Variants in SNRPB2 observed in about 807,000 individuals in gnomAD.
The protein encoded by SNRPB2 is small nuclear ribonucleoprotein polypeptide B2.
A neutral mutation model predicts 26.3 loss-of-function variants in SNRPB2; 16 were observed. The ratio of observed to expected loss-of-function variants is 0.61; its 90% CI spans 0.41 to 0.92. The LOEUF (loss-of-function observed/expected upper bound fraction) is 0.92. Ranked by LOEUF, SNRPB2 falls within the 40% of genes least tolerant of loss-of-function variation. The probability of loss-of-function intolerance (pLI) is 0.00; values close to 1 mark genes in which losing one functional copy is unlikely to be tolerated. For missense variants in SNRPB2, 179 were observed against 268.1 expected (o/e 0.67, Z 2.32); for synonymous variants, 75 against 89.0 (o/e 0.84, Z 0.88).
At position 16,731,600 on chromosome 20, in the gene SNRPB2, TTAA is replaced by T. The variant is rs984483601; in HGVS notation, c.-35-63_-35-61del. 2.1e-5 allele frequency: 31 copies of T among 1,467,058 alleles called. No individual in the cohort carries two copies. The African/African-American group carries it at 4.4e-4, about 21-fold the overall frequency. 90.9% of individuals were successfully genotyped at this position (1,467,058 alleles called of 1,614,324 possible). On this transcript the variant is annotated intron_variant, in intron 1 of 6. Coordinates refer to ENST00000246071, the MANE Select transcript of SNRPB2 (RefSeq NM_003092.5). Reference sequence around the variant, plus strand: ...CTGGGATTGAAAGAGAAATGAAAAGTTAATAATTCTTGTGTTGTGTCCTTATGC... The same window carrying T: ...CTGGGATTGAAAGAGAAATGAAAAGTTAATTCTTGTGTTGTGTCCTTATGC...
chr20:16,741,227 G>A lies in SNRPB2; in HGVS notation c.*222G>A, dbSNP rs879883046. On this transcript the variant is annotated 3_prime_UTR_variant, in exon 7 of 7. Transcript: ENST00000246071. The stretch of plus-strand genomic sequence containing the variant: ...TTTATTTGTATTCTGTGTATATAAT[G>A]CTTTCTTGATTGACCCATCTCCCTA... 11 of 390,842 alleles carry A rather than the reference G, an allele frequency of 2.8e-5. No individual in the cohort carries two copies. The Admixed American group carries it at 4.5e-4, about 16-fold the overall frequency. 24.2% of individuals were successfully genotyped at this position (390,842 alleles called of 1,614,324 possible).
At chr20:16,736,804 G>GTTTGTT (rs2072429022) in intron 3 of SNRPB2, among the ~76,000 whole-genome samples, 1 of 152,136 alleles carries the variant, frequency 6.6e-6, no homozygotes, top group Non-Finnish European at 1.5e-5. Flanking sequence ...TTTTGCTTTT[G>GTTTGTT]TTTGTTTTAT....
intron 3 of SNRPB2, among the ~76,000 whole-genome samples, chr20:16,735,371 C>T (rs1414358872): frequency 6.7e-6 from 1 of 149,996 alleles, no homozygotes; most frequent in East Asian, 1.9e-4. Flanking sequence ...GGCAATAATT[C>T]TTTCAGCTCC....
intron 5 of SNRPB2, among the ~76,000 whole-genome samples, chr20:16,739,616 C>G (rs1568755416): frequency 6.6e-6 from 1 of 152,152 alleles, no homozygotes; most frequent in Non-Finnish European, 1.5e-5. Flanking sequence ...AATGCCAGCA[C>G]TTAATCCTCT....
chr20:16,730,889 C>T (rs1036386981), intron 1 of SNRPB2: 1 of 152,278 alleles, frequency 6.6e-6, no homozygotes, highest in African/African-American at 2.4e-5. Flanking sequence ...TGACCTTAGG[C>T]AAGTTCCTTA....
intron 5 of SNRPB2, 104 bp downstream of exon 5, chr20:16,739,006 T>A (rs1406228606): frequency 1.3e-6 from 1 of 756,812 alleles, no homozygotes; most frequent in Non-Finnish European, 2.3e-6. Context: ...TGATTTCATC[T>A]ACAAGACACA....
At chr20:16,736,776 C>G (rs1481040767) in intron 3 of SNRPB2, among the ~76,000 whole-genome samples, 1 of 152,128 alleles carries the variant, frequency 6.6e-6, no homozygotes, top group African/African-American at 2.4e-5. Context: ...AGCCACAGTT[C>G]TATGTCAAGC....
intron 3 of SNRPB2, among the ~76,000 whole-genome samples, chr20:16,734,301 T>G (rs957145729): frequency 6.6e-6 from 1 of 152,168 alleles, no homozygotes; most frequent in African/African-American, 2.4e-5. Context: ...AGAGGGGAAA[T>G]AGAGTTCTTT....
chr20:16,738,114 T>C (rs558156753), intron 4 of SNRPB2, among the ~76,000 whole-genome samples: 1 of 147,344 alleles, frequency 6.8e-6, no homozygotes, highest in African/African-American at 2.5e-5. Context: ...AATTCAGTAA[T>C]GCAAAATATA....
Position 16,731,780 on chromosome 20 carries a change from A to C in SNRPB2, c.64+14A>C. 1 of 1,612,194 alleles carries C rather than the reference A, an allele frequency of 6.2e-7. No homozygotes were observed. The highest frequency in any genetic ancestry group is 8.5e-7 in the Non-Finnish European group (1 of 1,178,828). ...TTAAAAAGGAAGGTAAGTGCTTTTT[A>C]GAATACTTGTTCACTACTAAAATGT... On this transcript the variant is annotated intron_variant, in intron 2 of 6. Coordinates refer to ENST00000246071, the MANE Select transcript of SNRPB2 (RefSeq NM_003092.5).
At chr20:16,739,031 C>T (rs1477594163) in intron 5 of SNRPB2, 129 bp downstream of exon 5, 1 of 652,478 alleles carries the variant, frequency 1.5e-6, no homozygotes, top group African/African-American at 1.8e-5. Context: ...GTTAAATTGT[C>T]TGCCACTGCA....
chr20:16,732,732 G>A (rs1205536563), intron 3 of SNRPB2, among the ~76,000 whole-genome samples: 1 of 152,310 alleles, frequency 6.6e-6, no homozygotes, highest in East Asian at 1.9e-4. Flanking sequence ...AATACTATGT[G>A]TCAGAAGCTG....
rs2072379099 is a variant in SNRPB2 at position 16,730,125 on chromosome 20, C to G, written c.-75C>G. Reference sequence around the variant, plus strand: ...TTTCCTGGCTCCTCGGCCCTTTTCTCCCCTGTTGCAGCTGGGAGCGGACGA... The same window carrying G: ...TTTCCTGGCTCCTCGGCCCTTTTCTGCCCTGTTGCAGCTGGGAGCGGACGA... On this transcript the variant is annotated 5_prime_UTR_variant, in exon 1 of 7. Transcript: ENST00000246071. 6.5e-6 allele frequency: 1 copy of G among 152,764 alleles called. No individual in the cohort carries two copies. 9.5% of individuals were successfully genotyped at this position (152,764 alleles called of 1,614,324 possible). A position where few individuals can be genotyped will look rare whatever the true frequency, so the allele number is the denominator to read the frequency against.
intron 5 of SNRPB2, 51 bp from the exon 6 acceptor site, chr20:16,740,274 A>G: frequency 4.4e-6 from 7 of 1,600,044 alleles, no homozygotes; most frequent in Non-Finnish European, 6.0e-6. Flanking sequence ...TGCCTAGCTT[A>G]CGATGCTGTT....
At position 16,741,840 on chromosome 20, in the gene SNRPB2, T is replaced by C. The variant is rs1215345185; in HGVS notation, c.*835T>C. The stretch of plus-strand genomic sequence containing the variant: ...AAATATTTCCAAAGCCCATTTTCTT[T>C]AGCTTTTGATTTATGTTTAAGGCTA... On this transcript the variant is annotated 3_prime_UTR_variant, in exon 7 of 7. Coordinates refer to ENST00000246071, the MANE Select transcript of SNRPB2 (RefSeq NM_003092.5). The C allele has an allele frequency of 1.3e-5, 2 of 152,246 alleles. No homozygotes were observed. Among genetic ancestry groups the C allele is most frequent in the Non-Finnish European group, 2.9e-5 (2 of 68,040 alleles). 9.4% of individuals were successfully genotyped at this position (152,246 alleles called of 1,614,324 possible).
Position 16,733,604 on chromosome 20 carries a change from T to C in SNRPB2, c.237+1268T>C, listed in dbSNP as rs2072407132. 3.9e-5 allele frequency among the ~76,000 whole-genome samples: 6 copies of C among 152,364 alleles called. No homozygotes were observed. The South Asian group carries it at 1.2e-3, about 32-fold the overall frequency. On this transcript the variant is annotated intron_variant, in intron 3 of 6. Transcript: ENST00000246071. ...TCCGTAAAGGACCAGATAGTAAATA[T>C]GTTACACTTTGCAAGCCAGATAATC...
rs879698128 is a variant in SNRPB2 at position 16,742,360 on chromosome 20, C to G, written c.*1355C>G. The stretch of plus-strand genomic sequence containing the variant: ...GACTGATCCCATGCCCAGTCCTGGC[C>G]ATGCTTTGAGTGGCTGTATTGGAGC... On this transcript the variant is annotated 3_prime_UTR_variant, in exon 7 of 7. Coordinates refer to ENST00000246071, the MANE Select transcript of SNRPB2 (RefSeq NM_003092.5). 7 of 152,114 alleles carry G rather than the reference C, an allele frequency of 4.6e-5. No individual in the cohort carries two copies. Among genetic ancestry groups the G allele is most frequent in the Admixed American group, 4.6e-4 (7 of 15,268 alleles). 9.4% of individuals were successfully genotyped at this position (152,114 alleles called of 1,614,324 possible).
Position 16,732,235 on chromosome 20 carries a change from A to G in SNRPB2, c.136A>G (p.Met46Val), listed in dbSNP as rs907418701. The change falls in exon 3 of 7, where the codon ATG (methionine) becomes GTG (valine). Residue 46 changes from methionine to valine, a missense_variant. Transcript: ENST00000246071. ...GGTGGACATTGTGGCTTTAAAGACC[A>G]TGAAGATGAGGGGGCAGGCCTTTGT... is the stretch of plus-strand genomic sequence containing the variant. ...HVVDIVALKT[M>V]KMRGQAFVIF... is the part of the protein sequence containing the mutation. 3.1e-6 allele frequency: 5 copies of G among 1,603,016 alleles called. No individual in the cohort carries two copies. The highest frequency in any genetic ancestry group is 1.3e-5 in the African/African-American group (1 of 74,550).
chr20:16,740,177 G>T, intron 5 of SNRPB2, 148 bp from the exon 6 acceptor site: 1 of 1,401,152 alleles, frequency 7.1e-7, no homozygotes, highest in Non-Finnish European at 9.4e-7. Flanking sequence ...TTGAATGTCT[G>T]CCTTGCTTAG....
Sources: gnomAD v4.1 joint callset for allele counts (sites outside exome capture counted in the v4.1 genomes callset) on GRCh38, gnomAD v4.1.1 for gene constraint, MANE v1.5 for transcripts, NCBI Gene and HGNC (gene_info 2026-07-23, HGNC 2026-07-21) for gene names.